Variants in DNAH3 observed in about 807,000 individuals in gnomAD.
DNAH3 encodes axonemal beta dynein heavy chain 3.
A neutral mutation model predicts 432.5 loss-of-function variants in DNAH3; 332 were observed. That is an observed-to-expected ratio of 0.77 (90% CI 0.70 to 0.84). The LOEUF is 0.84. DNAH3 is among the 40% of genes least tolerant of loss of function. The probability of loss-of-function intolerance (pLI) is 0.00; values close to 1 mark genes in which losing one functional copy is unlikely to be tolerated. For missense variants in DNAH3, 4,861 were observed against 5,114.0 expected, an observed-to-expected ratio of 0.95 and a Z score of 1.51; for synonymous variants, 1,956 against 1,900.2, an observed-to-expected ratio of 1.03 and a Z score of -0.76.
chr16:21,097,771 T>C (rs2091727507), intron 17 of DNAH3, among the ~76,000 whole-genome samples: 1 of 152,298 alleles, frequency 6.6e-6, no homozygotes, highest in East Asian at 1.9e-4. Flanking sequence ...GACAGCCATA[T>C]CTCCGTTTTC....
chr16:20,983,459 A>G (rs2086015106), intron 48 of DNAH3, among the ~76,000 whole-genome samples: 1 of 146,082 alleles, frequency 6.8e-6, no homozygotes, highest in African/African-American at 2.6e-5. Flanking sequence ...CATACACACT[A>G]TTGTTCCTTC....
intron 38 of DNAH3, among the ~76,000 whole-genome samples, chr16:21,025,147 C>A (rs969258930): frequency 2.0e-5 from 3 of 151,960 alleles, no homozygotes; most frequent in African/African-American, 7.3e-5. Flanking sequence ...ACAGGGTTGG[C>A]CAGGCTGGTC....
chr16:21,000,551 G>A, intron 42 of DNAH3, 33 bp from the exon 43 acceptor site: 1 of 1,554,478 alleles, frequency 6.4e-7, no homozygotes, highest in African/African-American at 1.4e-5. Context: ...AGTCTCGGTT[G>A]TGGGCCCAGG....
chr16:21,098,707 C>T (rs1189581952), exon 17 of DNAH3: 13 of 1,613,820 alleles, frequency 8.1e-6, no homozygotes, highest in South Asian at 3.3e-5. Flanking sequence ...CATCACTTCG[C>T]GCTTCCTAAA....
At chr16:20,980,297 C>CATATATTATAATATACATG (rs2085827228) in intron 49 of DNAH3, among the ~76,000 whole-genome samples, 1 of 135,330 alleles carries the variant, frequency 7.4e-6, no homozygotes, top group African/African-American at 2.8e-5. Context: ...TAATATACAT[C>CATATATTATAATATACATG]ATATATTATA....
intron 1 of DNAH3, among the ~76,000 whole-genome samples, 141 bp from the exon 1 acceptor site, chr16:21,150,987 G>T (rs2092846887): frequency 1.3e-5 from 2 of 152,212 alleles, no homozygotes; most frequent in African/African-American, 4.8e-5. Context: ...GTTGGTGACA[G>T]AAGGGAACAT....
exon 9 of DNAH3, chr16:21,125,241 C>A (rs760266087): frequency 8.1e-6 from 13 of 1,613,794 alleles, no homozygotes; most frequent in Non-Finnish European, 9.3e-6. Context: ...TAAGCTGCAG[C>A]GACATGAATG....
At chr16:20,954,417 A>T (rs1048656154) in intron 55 of DNAH3, among the ~76,000 whole-genome samples, 2 of 151,124 alleles carry the variant, frequency 1.3e-5, no homozygotes, top group Non-Finnish European at 2.9e-5. Context: ...AGCTTCCCAA[A>T]TAGCTGGGAT....
rs916838641 is a variant in DNAH3 at position 20,989,901 on chromosome 16, G to GC, written c.6602-1837dup. On this transcript the variant is annotated intron_variant, in intron 44 of 61. Transcript: ENST00000261383. ...CTGGCCGGGTGCTAAGTCCCTCATT[G>GC]CCCGGGGCCGGCAGGGCCGGCCGGC... 1.8e-4 allele frequency among the ~76,000 whole-genome samples: 28 copies of GC among 152,330 alleles called. 1 individual carries two copies. Among genetic ancestry groups the GC allele is most frequent in the Admixed American group, 1.8e-3 (27 of 15,304 alleles).
chr16:21,151,776 G>A (rs766803128), intron 1 of DNAH3, among the ~76,000 whole-genome samples: 24 of 152,042 alleles, frequency 1.6e-4, no homozygotes, highest in African/African-American at 4.8e-4. Flanking sequence ...ATTAGCTGCC[G>A]CCCGAATATT....
intron 43 of DNAH3, among the ~76,000 whole-genome samples, chr16:20,998,681 G>C (rs1044275369): frequency 2.0e-5 from 3 of 150,150 alleles, no homozygotes; most frequent in South Asian, 2.1e-4. Flanking sequence ...CAATGAAATG[G>C]GGGCTCTTCG....
chr16:21,120,953 C>G, intron 10 of DNAH3: 1 of 851,224 alleles, frequency 1.2e-6, no homozygotes, highest in Non-Finnish European at 2.0e-6. Context: ...TTCTTCTCCT[C>G]CCACACACCC....
chr16:21,030,247 T>C (rs1163280670), intron 37 of DNAH3, among the ~76,000 whole-genome samples: 1 of 152,164 alleles, frequency 6.6e-6, no homozygotes, highest in African/African-American at 2.4e-5. Flanking sequence ...GTAATGCTTA[T>C]CAGTTTCAAG....
Position 20,985,667 on chromosome 16 carries a change from G to A in DNAH3, c.7075C>T (p.Arg2359Ter), listed in dbSNP as rs149230256. 6.8e-6 allele frequency: 11 copies of A among 1,614,152 alleles called. No individual in the cohort carries two copies. Among genetic ancestry groups the A allele is most frequent in the South Asian group, 1.1e-5 (1 of 91,076 alleles). Residue 2359 changes from arginine (R) to a stop codon, truncating the protein, a stop_gained, in exon 48 of 62, where the codon CGA becomes TGA. Coordinates refer to ENST00000261383, the Ensembl canonical transcript of DNAH3. LOFTEE classifies it high-confidence loss of function. ...AAATAATCTCCAAAGAAGAGGCTTC[G>A]AATGTTATCATCGACTATCTTTCCA... is the stretch of plus-strand genomic sequence containing the variant.
At chr16:21,086,975 C>T (rs1597349625) in exon 19 of DNAH3, 1 of 1,614,198 alleles carries the variant, frequency 6.2e-7, no homozygotes, top group East Asian at 2.2e-5. Flanking sequence ...GCACATCAGA[C>T]AAGGTCTTGA....
At chr16:21,015,446 G>A (rs2087810145) in intron 41 of DNAH3, among the ~76,000 whole-genome samples, 1 of 152,082 alleles carries the variant, frequency 6.6e-6, no homozygotes, top group Admixed American at 6.6e-5. Context: ...TTTGGGTTGT[G>A]TGAAACTATC....
At position 20,944,082 on chromosome 16, in the gene DNAH3, C is replaced by T. The variant is rs377612619; in HGVS notation, c.11511+414G>A. ...GTTCAGCTTTCATTTTCTTTTTGTG[C>T]GTATCATGACTTTATGGAAATGATA... On this transcript the variant is annotated intron_variant, in intron 58 of 61. Transcript: ENST00000261383. 9.8e-4 allele frequency among the ~76,000 whole-genome samples: 148 copies of T among 151,094 alleles called. 4 individuals are homozygous for T. In the South Asian group the frequency reaches 0.03, roughly 30 times the overall value.
intron 16 of DNAH3, among the ~76,000 whole-genome samples, chr16:21,101,881 T>C (rs956064715): frequency 6.6e-6 from 1 of 152,138 alleles, no homozygotes; most frequent in Non-Finnish European, 1.5e-5. Flanking sequence ...AATCCAACAC[T>C]GCAGATTGGG....
intron 44 of DNAH3, 60 bp from the exon 45 acceptor site, chr16:20,988,125 T>G: frequency 3.7e-6 from 6 of 1,601,226 alleles, no homozygotes; most frequent in Non-Finnish European, 5.1e-6. Context: ...ACACTGTCTG[T>G]GACCCTAGGA....
Sources: allele counts gnomAD v4.1 joint callset (sites outside exome capture counted in the v4.1 genomes callset), GRCh38; gene constraint gnomAD v4.1.1; transcripts MANE v1.5; gene names NCBI Gene and HGNC (gene_info 2026-07-23, HGNC 2026-07-21).